The following KIR3DL1 variants were observed in gnomAD, a reference collection of about 807,000 sequenced individuals.
KIR3DL1 encodes the protein killer cell immunoglobulin-like receptor 3DL1.
Under a neutral mutation model 40.3 loss-of-function variants are expected in KIR3DL1, and 50 were observed. The ratio of observed to expected loss-of-function variants is 1.24; its 90% CI spans 0.99 to 1.57. The LOEUF is 1.57. Ranked by LOEUF, KIR3DL1 falls within the 40% of genes most tolerant of loss-of-function variation. The pLI is 0.00. For missense variants in KIR3DL1, 661 were observed against 559.9 expected, an observed-to-expected ratio of 1.18 and a Z score of -1.82; for synonymous variants, 257 against 207.2, an observed-to-expected ratio of 1.24 and a Z score of -2.07.
At chr19:54,821,984 G>C in intron 5 of KIR3DL1, 126 bp downstream of exon 5, 2 of 1,205,384 alleles carry the variant, frequency 1.7e-6, no homozygotes, top group Non-Finnish European at 2.4e-6. Flanking sequence ...TGAGGGCGGA[G>C]TCAGGGCGCA....
chr19:54,821,179 A>C (rs2061614216), intron 4 of KIR3DL1, among the ~76,000 whole-genome samples: 1 of 150,244 alleles, frequency 6.7e-6, no homozygotes, highest in African/African-American at 2.5e-5. Flanking sequence ...TAAGTGATAC[A>C]TAAATATAGA....
At chr19:54,830,626 C>T (rs1456960097) in exon 9 of KIR3DL1, 2 of 318,134 alleles carry the variant, frequency 6.3e-6, no homozygotes, top group East Asian at 1.3e-4. Flanking sequence ...TCCCTCTTGA[C>T]GTGGCACTTA....
At chr19:54,822,970 T>C (rs2061711889) in intron 5 of KIR3DL1, among the ~76,000 whole-genome samples, 1 of 149,366 alleles carries the variant, frequency 6.7e-6, no homozygotes, top group Non-Finnish European at 1.5e-5. Context: ...TTCGATACAC[T>C]GATGTCCTTT....
chr19:54,819,577 G>A (rs2061525898), intron 3 of KIR3DL1, 136 bp from the exon 4 acceptor site: 3 of 1,072,140 alleles, frequency 2.8e-6, no homozygotes, highest in Non-Finnish European at 4.0e-6. Flanking sequence ...CAGGGGATAT[G>A]GGCACAGAAA....
chr19:54,818,679 C>T lies in KIR3DL1; in HGVS notation c.355+80C>T. On this transcript the variant is annotated intron_variant, in intron 3 of 8. Coordinates refer to ENST00000391728, the Ensembl canonical transcript of KIR3DL1. The stretch of plus-strand genomic sequence containing the variant: ...TTCTGGTGGGGGTGTCCGTCAGGGT[C>T]CCATCACCCAGGCCCTGACTGTATT... The T allele has an allele frequency of 2.6e-6, 4 of 1,533,108 alleles. 1 individual carries two copies. Among genetic ancestry groups the T allele is most frequent in the Middle Eastern group, 4.6e-4 (2 of 4,304 alleles). 95.0% of individuals were successfully genotyped at this position (1,533,108 alleles called of 1,614,324 possible).
chr19:54,817,408 G>T (rs1362508074), intron 1 of KIR3DL1, 126 bp from the exon 2 acceptor site: 1 of 804,608 alleles, frequency 1.2e-6, no homozygotes, highest in Non-Finnish European at 2.1e-6. Context: ...GGGCAGGTAG[G>T]CAGCGAGGGT....
chr19:54,817,315 G>A (rs2061399486), intron 1 of KIR3DL1, among the ~76,000 whole-genome samples: 1 of 147,098 alleles, frequency 6.8e-6, no homozygotes, highest in Non-Finnish European at 1.5e-5. Flanking sequence ...GGAGATCTGG[G>A]CCTGTTGTGT....
At position 54,830,050 on chromosome 19, in the gene KIR3DL1, T is replaced by A; in HGVS notation, c.1159-49T>A. On this transcript the variant is annotated intron_variant, in intron 8 of 8. Transcript: ENST00000391728. The stretch of plus-strand genomic sequence containing the variant: ...ACAGTCCTGGAAAACGTGAGCACCC[T>A]CCCTCACTCAGCATTTCCCTCCCTC... 3.3e-6 allele frequency: 5 copies of A among 1,520,460 alleles called. 1 individual carries two copies. Among genetic ancestry groups the A allele is most frequent in the Non-Finnish European group, 4.5e-6 (5 of 1,120,438 alleles). The allele number at this position is 1,520,460 out of a possible 1,614,324, so 94.2% of individuals were successfully genotyped here. A position where few individuals can be genotyped will look rare whatever the true frequency, so the allele number is the denominator to read the frequency against.
chr19:54,823,987 A>G (rs1429529532), intron 5 of KIR3DL1, among the ~76,000 whole-genome samples: 1 of 151,072 alleles, frequency 6.6e-6, no homozygotes, highest in Non-Finnish European at 1.5e-5. Flanking sequence ...TTATATTTCC[A>G]GTTATTAATC....
At chr19:54,824,328 A>G (rs1293815635) in intron 5 of KIR3DL1, among the ~76,000 whole-genome samples, 1 of 151,382 alleles carries the variant, frequency 6.6e-6, no homozygotes, top group South Asian at 2.1e-4. Context: ...TCCCCACACC[A>G]TTTATTGAAA....
chr19:54,819,064 T>A (rs765313387), intron 3 of KIR3DL1, among the ~76,000 whole-genome samples: 3 of 150,866 alleles, frequency 2.0e-5, no homozygotes, highest in Non-Finnish European at 2.9e-5. Flanking sequence ...GCTGGAGAAG[T>A]CAAGAGAACT....
At chr19:54,822,204 GAGAGAT>G (rs2061675211) in intron 5 of KIR3DL1, among the ~76,000 whole-genome samples, 1 of 150,502 alleles carries the variant, frequency 6.6e-6, no homozygotes, top group Non-Finnish European at 1.5e-5. Flanking sequence ...CACCCACACA[GAGAGAT>G]ATCATCACCA....
chr19:54,822,873 A>G (rs1257261469), intron 5 of KIR3DL1, among the ~76,000 whole-genome samples: 1 of 140,946 alleles, frequency 7.1e-6, no homozygotes, highest in Non-Finnish European at 1.6e-5. Context: ...TTCTCTATCC[A>G]TTCACCCACT....
chr19:54,821,758 C>A (rs1307424349), exon 5 of KIR3DL1: 2 of 1,607,946 alleles, frequency 1.2e-6, no homozygotes, highest in Admixed American at 1.7e-5. Context: ...TCCCTCTGGG[C>A]CCTGCCACCC....
At chr19:54,817,698 A>G in intron 2 of KIR3DL1, 129 bp downstream of exon 2, 1 of 748,566 alleles carries the variant, frequency 1.3e-6, no homozygotes, top group Non-Finnish European at 2.1e-6. Flanking sequence ...CTCGGCCCAC[A>G]TTTCTGACCT....
chr19:54,818,366 G>A lies in KIR3DL1; in HGVS notation c.122G>A (p.Arg41Gln), dbSNP rs369021301. 109 of 1,605,618 alleles carry A rather than the reference G, an allele frequency of 6.8e-5. 2 individuals carry two copies. Among genetic ancestry groups the A allele is most frequent in the East Asian group, 6.1e-4 (27 of 44,452 alleles). Residue 41 changes from arginine (R) to glutamine (Q), a missense_variant, in exon 3 of 9, where the codon CGA (arginine) becomes CAA (glutamine). Coordinates refer to ENST00000391728, the Ensembl canonical transcript of KIR3DL1. ...GCCTGGCCCAGCGCTGTGGTGCCTCGAGGAGGACACGTGACTCTTCGGTGT... is the reference window on the plus strand; with the variant it reads ...GCCTGGCCCAGCGCTGTGGTGCCTCAAGGAGGACACGTGACTCTTCGGTGT...
Position 54,819,849 on chromosome 19 carries a change from C to T in KIR3DL1, c.492C>T (p.Pro164=), listed in dbSNP as rs756291576. The change falls in exon 4 of 9, where the codon CCC becomes CCT. Residue 164 remains proline, a synonymous_variant. Transcript: ENST00000391728. ...ACAAAGAGGGGATCTCTAAGGACCCCTCACGCCTCGTTGGACAGATCCATG... is the reference window on the plus strand; with the variant it reads ...ACAAAGAGGGGATCTCTAAGGACCCTTCACGCCTCGTTGGACAGATCCATG... The T allele has an allele frequency of 6.8e-6, 11 of 1,612,152 alleles. 1 individual carries two copies. In the South Asian group the frequency reaches 1.2e-4, roughly 18 times the overall value.
chr19:54,817,597 T>C, intron 2 of KIR3DL1, 28 bp downstream of exon 2: 2 of 1,487,876 alleles, frequency 1.3e-6, no homozygotes, highest in Non-Finnish European at 9.2e-7. Flanking sequence ...CCTTAGGGTG[T>C]CATCTCCCCA....
In KIR3DL1 at chr19:54,821,599, G is replaced by A. The variant is rs1247778066; in HGVS notation, c.690G>A (p.Pro230=). The change falls in exon 5 of 9, where the codon CCG becomes CCA. Residue 230 remains proline, a synonymous_variant. Transcript: ENST00000391728. ...AGAAACCTTCTCTCTCAGCCCAGCC[G>A]GGCCCCAAGGTTCAGGCAGGAGAGA... 26 of 1,608,090 alleles carry A rather than the reference G, an allele frequency of 1.6e-5. 1 individual carries two copies. The highest frequency in any genetic ancestry group is 2.7e-5 in the African/African-American group (2 of 74,238).
Sources: gnomAD v4.1 joint callset for allele counts (sites outside exome capture counted in the v4.1 genomes callset) on GRCh38, gnomAD v4.1.1 for gene constraint, MANE v1.5 for transcripts, NCBI Gene and HGNC (gene_info 2026-07-23, HGNC 2026-07-21) for gene names.